SCN10A: variants seen among roughly 807,000 people sequenced by gnomAD.
SCN10A encodes the protein sodium voltage-gated channel alpha subunit 10.
SCN10A carries 162 observed loss-of-function variants against 170.7 expected under a neutral mutation model. The observed-to-expected ratio is 0.95, with a 90% confidence interval of 0.84 to 1.08. SCN10A has a LOEUF of 1.08. Ranked by LOEUF, SCN10A falls within the 50% of genes least tolerant of loss-of-function variation. The probability of loss-of-function intolerance (pLI) is 0.00; values close to 1 mark genes in which losing one functional copy is unlikely to be tolerated. For synonymous variants in SCN10A, 985 were observed against 904.6 expected (o/e 1.09, Z -1.59); for missense variants, 2,527 against 2,436.9 (o/e 1.04, Z -0.78).
At chr3:38,799,076 C>T (rs1206400012) in intron 1 of SCN10A, among the ~76,000 whole-genome samples, 2 of 152,164 alleles carry the variant, frequency 1.3e-5, no homozygotes, top group Non-Finnish European at 2.9e-5. Context: ...GCCACTGTGC[C>T]CAGCCCCTTT....
At chr3:38,774,524 G>A (rs1225339912) in intron 4 of SCN10A, among the ~76,000 whole-genome samples, 9 of 152,032 alleles carry the variant, frequency 5.9e-5, no homozygotes, top group African/African-American at 2.2e-4. Context: ...GCTTTTTCTG[G>A]TGAATGAAGA....
At chr3:38,754,573 C>T (rs2063782952) in intron 11 of SCN10A, among the ~76,000 whole-genome samples, 1 of 152,196 alleles carries the variant, frequency 6.6e-6, no homozygotes, top group Non-Finnish European at 1.5e-5. Context: ...GTGTCATTGA[C>T]ATTTCCATGG....
At chr3:38,794,514 C>T (rs2064324938) in intron 1 of SCN10A, among the ~76,000 whole-genome samples, 1 of 152,172 alleles carries the variant, frequency 6.6e-6, no homozygotes, top group Non-Finnish European at 1.5e-5. Context: ...TCATTTGGAC[C>T]TCCAAGTTAC....
Position 38,797,165 on chromosome 3 carries a change from A to G in SCN10A, c.-32-3123T>C, listed in dbSNP as rs73826363. ...GGCAGTGCTTAAATCAAATACCCCT[A>G]TGATGGAGATCCTGCTTGCTCCCAC... On this transcript the variant is annotated intron_variant, in intron 1 of 27. Transcript: ENST00000449082. 0.012 allele frequency among the ~76,000 whole-genome samples: 1,838 copies of G among 152,086 alleles called. 55 individuals carry two copies. The East Asian group carries it at 0.13, about 11-fold the overall frequency.
Position 38,752,465 on chromosome 3 carries a change from A to C in SCN10A, c.1509T>G (p.Ser503Arg). ...GGCCAGGGGACCGGAAATGGAACAC[A>C]CTGCCATGACTAGCCCGGCGTTTTC... ...ASGKRRASHG[S>R]VFHFRSPGRD... The change falls in exon 12 of 28, where the codon AGT becomes AGG. Residue 503 changes from serine to arginine, a missense_variant. By Grantham distance (110) the Ser-to-Arg change is moderately radical. Coordinates refer to ENST00000449082, the MANE Select transcript of SCN10A (RefSeq NM_006514.4). The C allele has an allele frequency of 6.2e-7, 1 of 1,610,070 alleles. No individual in the cohort carries two copies. Among genetic ancestry groups the C allele is most frequent in the Non-Finnish European group, 8.5e-7 (1 of 1,177,912 alleles).
At chr3:38,807,747 C>A (rs749979775) in intron 1 of SCN10A, among the ~76,000 whole-genome samples, 2 of 152,128 alleles carry the variant, frequency 1.3e-5, no homozygotes, top group Admixed American at 1.3e-4. Flanking sequence ...TATCTCTCCC[C>A]TATAAATTGG....
At position 38,722,250 on chromosome 3, in the gene SCN10A, C is replaced by G; in HGVS notation, c.3507+8G>C. 6.2e-7 allele frequency: 1 copy of G among 1,612,614 alleles called. No individual in the cohort carries two copies. Among genetic ancestry groups the G allele is most frequent in the Non-Finnish European group, 8.5e-7 (1 of 1,179,132 alleles). On this transcript the variant is annotated splice_region_variant and intron_variant, in intron 20 of 27. Transcript: ENST00000449082. Reference sequence around the variant, plus strand: ...GGATTTGGGGGCAGGGACTATGCCTCCCCTTACCAGAGATCCACTGCTGAG... The same window carrying G: ...GGATTTGGGGGCAGGGACTATGCCTGCCCTTACCAGAGATCCACTGCTGAG...
At chr3:38,789,130 C>G (rs2126057572) in intron 3 of SCN10A, 94 bp from the exon 4 acceptor site, 6 of 770,994 alleles carry the variant, frequency 7.8e-6, no homozygotes, top group Non-Finnish European at 1.2e-5. Context: ...ATTCATAAAT[C>G]TTAGCCAATA....
At chr3:38,710,979 G>A (rs971229721) in intron 23 of SCN10A, 82 bp from the exon 24 acceptor site, 8 of 1,160,384 alleles carry the variant, frequency 6.9e-6, no homozygotes, top group Admixed American at 1.9e-5. Flanking sequence ...GGCCCAGTGA[G>A]AGAGGAGAGA....
chr3:38,763,398 A>G, intron 6 of SCN10A, 107 bp downstream of exon 6: 2 of 855,608 alleles, frequency 2.3e-6, no homozygotes, highest in South Asian at 3.0e-5. Flanking sequence ...TTGTCTTGTA[A>G]GTGGGGACAA....
At chr3:38,729,417 C>T (rs2063492750) in intron 15 of SCN10A, among the ~76,000 whole-genome samples, 1 of 152,318 alleles carries the variant, frequency 6.6e-6, no homozygotes, top group South Asian at 2.1e-4. Flanking sequence ...AGCTTTGAAA[C>T]TGCAAATGTC....
rs2063223067 is a variant in SCN10A at position 38,707,474 on chromosome 3, C to T, written c.4282-91G>A. 3.1e-6 allele frequency: 4 copies of T among 1,293,062 alleles called. No individual in the cohort carries two copies. The Admixed American group carries it at 7.3e-5, about 24-fold the overall frequency. 80.1% of individuals were successfully genotyped at this position (1,293,062 alleles called of 1,614,324 possible). A position where few individuals can be genotyped will look rare whatever the true frequency, so the allele number is the denominator to read the frequency against. On this transcript the variant is annotated intron_variant, in intron 25 of 27. Transcript: ENST00000449082. ...GGCAGGAGAGAAAGGATCATATCAA[C>T]CTTCTCCCCTCCTCTGCAGATAGAC...
Position 38,763,512 on chromosome 3 carries a change from C to T in SCN10A, c.684G>A (p.Val228=), listed in dbSNP as rs1467753599. ...RVLRALKTVS[V]IPGLKVIVGA... ...CTGTGAATAAATGCTCACCTGGGAT[C>T]ACAGAAACTGTTTTTAATGCTCTAA... The change falls in exon 6 of 28, where the codon GTG becomes GTA. Residue 228 remains valine (V), a synonymous_variant. Coordinates refer to ENST00000449082, the MANE Select transcript of SCN10A (RefSeq NM_006514.4). 6.2e-7 allele frequency: 1 copy of T among 1,613,310 alleles called. No individual in the cohort carries two copies. Among genetic ancestry groups the T allele is most frequent in the East Asian group, 2.2e-5 (1 of 44,888 alleles).
intron 15 of SCN10A, among the ~76,000 whole-genome samples, chr3:38,738,519 C>G (rs1160443730): frequency 6.6e-6 from 1 of 152,140 alleles, no homozygotes; most frequent in Admixed American, 6.5e-5. Flanking sequence ...AACCATGCAC[C>G]CCCTTCAACC....
chr3:38,811,977 C>T lies in SCN10A; in HGVS notation c.-33+4060G>A, dbSNP rs141330992. Among the ~76,000 whole-genome samples the T allele has an allele frequency of 9.9e-5, 15 of 152,268 alleles. No individual in the cohort carries two copies. The East Asian group carries it at 2.3e-3, about 24-fold the overall frequency. On this transcript the variant is annotated intron_variant, in intron 1 of 27. Transcript: ENST00000449082. ...GCCGCTCACTTGGTTTACGGTGGGG[C>T]AATGAGCCAGGCAACCAATCAATAC...
intron 21 of SCN10A, among the ~76,000 whole-genome samples, chr3:38,717,995 T>A (rs1019766052): frequency 6.6e-6 from 1 of 152,188 alleles, no homozygotes; most frequent in African/African-American, 2.4e-5. Flanking sequence ...CAGGTTACCA[T>A]GAGTGTGAAC....
At position 38,755,832 on chromosome 3, in the gene SCN10A, C is replaced by G. The variant is rs143920053; in HGVS notation, c.1417G>C (p.Asp473His). The change falls in exon 11 of 28, where the codon GAC (aspartate) becomes CAC (histidine). Residue 473 changes from aspartate (D) to histidine (H), a missense_variant. Transcript: ENST00000449082. ...GGATCAGAGCGGGGTGATTTGTTGT[C>G]TTCTGTGGAGCCCTCTGACACTCTT... Reference protein sequence around the residue: ...KPRVSEGSTEDNKSPRSDPYN... With the variant: ...KPRVSEGSTEHNKSPRSDPYN... 1.2e-5 allele frequency: 20 copies of G among 1,614,012 alleles called. No individual in the cohort carries two copies. In the African/African-American group the frequency reaches 2.7e-4, roughly 22 times the overall value.
At position 38,707,311 on chromosome 3, in the gene SCN10A, T is replaced by A. The variant is rs780387548; in HGVS notation, c.4354A>T (p.Lys1452Ter). ...CGTGGGATGGGCTTCTGGGGCTTCT[T>A]GGAGCCCAACTTCTTCATGGCATTG... ...YYNAMKKLGS[K>*]KPQKPIPRPL... Residue 1452 changes from lysine (K) to a stop codon, truncating the protein, a stop_gained, in exon 26 of 28, where the codon AAG becomes TAG. Coordinates refer to ENST00000449082, the MANE Select transcript of SCN10A (RefSeq NM_006514.4). LOFTEE classifies it high-confidence loss of function. 6.8e-6 allele frequency: 11 copies of A among 1,614,090 alleles called. No homozygotes were observed. The highest frequency in any genetic ancestry group is 1.1e-5 in the South Asian group (1 of 91,080).
At position 38,728,560 on chromosome 3, in the gene SCN10A, C is replaced by T; in HGVS notation, c.2622G>A (p.Met874Ile). 6 of 1,592,576 alleles carry T rather than the reference C, an allele frequency of 3.8e-6. No homozygotes were observed. The highest frequency in any genetic ancestry group is 1.1e-5 in the South Asian group (1 of 87,520). ...CACTCACCACCAGGTTCCCTAGCAC[C>T]ATCACCGTCAAGAAAAGGATGAGGC... Reference protein sequence around the residue: ...SICLILFLTVMVLGNLVVLNL... With the variant: ...SICLILFLTVIVLGNLVVLNL... The change falls in exon 16 of 28, where the codon ATG becomes ATA. Residue 874 changes from methionine to isoleucine, a missense_variant. By Grantham distance (10) the Met-to-Ile change is conservative (BLOSUM62 1). Transcript: ENST00000449082.
Sources: gnomAD v4.1 joint callset for allele counts (sites outside exome capture counted in the v4.1 genomes callset) on GRCh38, gnomAD v4.1.1 for gene constraint, MANE v1.5 for transcripts, NCBI Gene and HGNC (gene_info 2026-07-23, HGNC 2026-07-21) for gene names.